The following STPG2 variants were observed in gnomAD, a reference collection of about 807,000 sequenced individuals.
STPG2 encodes the protein sperm-tail PG-rich repeat-containing protein 2.
In STPG2, 56 loss-of-function variants were observed where a neutral mutation model predicts 54.2. The ratio of observed to expected loss-of-function variants is 1.03; its 90% confidence interval spans 0.83 to 1.29. The LOEUF (loss-of-function observed/expected upper bound fraction) is 1.29, where lower values mean the gene tolerates loss of function less well. Among genes scored for constraint, STPG2 ranks in the 50% most tolerant of loss-of-function variants. STPG2 has a pLI of 0.00. For missense variants in STPG2, 596 were observed against 544.9 expected, an observed-to-expected ratio of 1.09 and a Z score of -0.93; for synonymous variants, 200 against 181.8, an observed-to-expected ratio of 1.10 and a Z score of -0.81.
At chr4:97,546,115 G>A (rs1378667554) in intron 4 of STPG2, among the ~76,000 whole-genome samples, 1 of 151,536 alleles carries the variant, frequency 6.6e-6, no homozygotes, top group Admixed American at 6.6e-5. Context: ...TAGAGAACCA[G>A]AAAAGCAATG....
At chr4:98,133,466 C>T (rs141412949) in intron 2 of STPG2, among the ~76,000 whole-genome samples, 190 of 151,962 alleles carry the variant, frequency 1.3e-3, no homozygotes, top group African/African-American at 4.3e-3. Context: ...ACCAAGGAGG[C>T]CTTCTTTTAA....
chr4:98,046,337 C>T (rs1271780457), intron 5 of STPG2, among the ~76,000 whole-genome samples: 1 of 152,058 alleles, frequency 6.6e-6, no homozygotes, highest in Non-Finnish European at 1.5e-5. Flanking sequence ...TCATGAGGGC[C>T]AGTTTCTGGA....
intron 10 of STPG2, among the ~76,000 whole-genome samples, chr4:97,626,446 C>T (rs927886505): frequency 2.0e-5 from 3 of 152,068 alleles, no homozygotes; most frequent in Non-Finnish European, 2.9e-5. Flanking sequence ...ACATAATTAG[C>T]GTCTTCAACC....
intron 10 of STPG2, among the ~76,000 whole-genome samples, chr4:97,660,148 G>A (rs912615008): frequency 1.4e-4 from 21 of 151,984 alleles, no homozygotes; most frequent in African/African-American, 2.2e-4. Flanking sequence ...GACTACAGGC[G>A]CCCACCACTA....
chr4:97,639,148 T>C (rs1721673321), intron 10 of STPG2, among the ~76,000 whole-genome samples: 1 of 151,904 alleles, frequency 6.6e-6, no homozygotes, highest in Non-Finnish European at 1.5e-5. Context: ...ATATACACCA[T>C]GGAATACTAT....
In STPG2 at chr4:97,583,220, C is replaced by A. The variant is rs573843373; in HGVS notation, c.1321-24103G>T. On this transcript the variant is annotated intron_variant, in intron 10 of 10. Coordinates refer to ENST00000295268, the MANE Select transcript of STPG2 (RefSeq NM_174952.3). ...ACTAATTTTCACAATAGCCAGCTAC[C>A]AGCTCCACCCCATTATCAACTACAA... Among the ~76,000 whole-genome samples, 4 of 151,996 alleles carry A rather than the reference C, an allele frequency of 2.6e-5. No homozygotes were observed. The East Asian group carries it at 7.7e-4, about 29-fold the overall frequency.
chr4:97,499,499 ACAAAC>A (rs33988235), intron 4 of STPG2, among the ~76,000 whole-genome samples: 65,957 of 151,394 alleles, frequency 0.44, 16,509 homozygotes, highest in Non-Finnish European at 0.57. Flanking sequence ...GATATTAAAA[ACAAAC>A]CAAGTAAATT....
At chr4:97,912,744 C>G (rs1731727561) in intron 8 of STPG2, among the ~76,000 whole-genome samples, 1 of 152,166 alleles carries the variant, frequency 6.6e-6, no homozygotes, top group Non-Finnish European at 1.5e-5. Context: ...ACAGAAAGAA[C>G]AGAATCAAGT....
chr4:97,464,700 C>G (rs1465579278), intron 4 of STPG2, among the ~76,000 whole-genome samples: 2 of 152,102 alleles, frequency 1.3e-5, no homozygotes, highest in African/African-American at 2.4e-5. Context: ...GCTTATTTAC[C>G]CTGTCACTGG....
intron 8 of STPG2, among the ~76,000 whole-genome samples, chr4:97,876,914 A>G (rs1440591161): frequency 6.6e-6 from 1 of 152,084 alleles, no homozygotes; most frequent in Non-Finnish European, 1.5e-5. Context: ...AATATAGGTA[A>G]GATCTTCCAT....
At chr4:97,457,682 A>G (rs150658886) in intron 4 of STPG2, among the ~76,000 whole-genome samples, 37 of 152,380 alleles carry the variant, frequency 2.4e-4, no homozygotes, top group African/African-American at 8.9e-4. Context: ...GTCTTTTAAC[A>G]GTTTGCAACA....
intron 4 of STPG2, among the ~76,000 whole-genome samples, chr4:97,535,068 A>T (rs112428643): frequency 0.015 from 2,301 of 152,308 alleles, 58 homozygotes; most frequent in African/African-American, 0.053. Flanking sequence ...ATTATGAACA[A>T]CATTTATGTA....
At chr4:97,763,071 T>G (rs776405353) in intron 9 of STPG2, among the ~76,000 whole-genome samples, 21 of 152,288 alleles carry the variant, frequency 1.4e-4, no homozygotes, top group African/African-American at 5.1e-4. Flanking sequence ...TTTTGTATTA[T>G]AAGTGCTGAT....
At chr4:97,502,118 T>G (rs186002638) in intron 4 of STPG2, among the ~76,000 whole-genome samples, 484 of 152,058 alleles carry the variant, frequency 3.2e-3, no homozygotes, top group African/African-American at 0.011. Flanking sequence ...GAAAAACTAC[T>G]TATTAGAAAC....
intron 10 of STPG2, among the ~76,000 whole-genome samples, chr4:97,658,733 T>C (rs1313014780): frequency 6.6e-6 from 1 of 152,202 alleles, no homozygotes; most frequent in Admixed American, 6.5e-5. Flanking sequence ...AGAAAACTGC[T>C]TTTTCTAAGA....
chr4:97,515,263 T>G (rs1463646221), intron 4 of STPG2, among the ~76,000 whole-genome samples: 1 of 152,116 alleles, frequency 6.6e-6, no homozygotes, highest in Non-Finnish European at 1.5e-5. Context: ...AAGTAAGTCA[T>G]TTTTCCTTCT....
At chr4:97,505,960 T>C (rs1344961538) in intron 4 of STPG2, among the ~76,000 whole-genome samples, 1 of 137,396 alleles carries the variant, frequency 7.3e-6, no homozygotes, top group African/African-American at 2.8e-5. Context: ...TATTGTTACA[T>C]AGTTTCAGCA....
intron 5 of STPG2, among the ~76,000 whole-genome samples, chr4:98,091,036 TATC>T (rs1738670328): frequency 6.6e-6 from 1 of 151,774 alleles, no homozygotes; most frequent in Non-Finnish European, 1.5e-5. Context: ...CAAATCTCCA[TATC>T]ATCATTTACC....
intron 7 of STPG2, among the ~76,000 whole-genome samples, chr4:97,951,970 G>A (rs375984304): frequency 2.6e-5 from 4 of 152,034 alleles, no homozygotes; most frequent in Non-Finnish European, 4.4e-5. Context: ...CAGGGGAAAG[G>A]GTGGGAGCTA....
Sources: allele counts gnomAD v4.1 joint callset (sites outside exome capture counted in the v4.1 genomes callset), GRCh38; gene constraint gnomAD v4.1.1; transcripts MANE v1.5; gene names NCBI Gene and HGNC (gene_info 2026-07-23, HGNC 2026-07-21).